The following SLC35F1 variants were observed in gnomAD, a reference collection of about 807,000 sequenced individuals.
The protein encoded by SLC35F1 is solute carrier family 35 member F1, also known as chromosome 6 open reading frame 169.
In SLC35F1, 14 loss-of-function variants were observed where a neutral mutation model predicts 48.7. The observed-to-expected ratio is 0.29, with a 90% CI of 0.19 to 0.45. The LOEUF is 0.45. SLC35F1 is among the 20% of genes least tolerant of loss of function. SLC35F1 has a pLI of 1.00. For missense variants in SLC35F1, 404 were observed against 500.0 expected (o/e 0.81, Z 1.83); for synonymous variants, 190 against 202.2 (o/e 0.94, Z 0.51).
chr6:118,232,986 A>T (rs1775314650), intron 2 of SLC35F1, among the ~76,000 whole-genome samples: 1 of 129,832 alleles, frequency 7.7e-6, no homozygotes. Flanking sequence ...TTTTTTTTTT[A>T]GACGAAGTCT....
At chr6:118,180,400 C>A (rs1334845) in intron 2 of SLC35F1, among the ~76,000 whole-genome samples, 4,825 of 151,874 alleles carry the variant, frequency 0.032, 252 homozygotes, top group African/African-American at 0.11. Flanking sequence ...GCAAAGATTA[C>A]AGATGTTGGA....
At chr6:117,966,128 A>ACC (rs1776560909) in intron 1 of SLC35F1, among the ~76,000 whole-genome samples, 11 of 17,230 alleles carry the variant, frequency 6.4e-4, no homozygotes, top group African/African-American at 1.2e-3. Context: ...AAAGCAGGCC[A>ACC]CCGCCCCCCC....
intron 1 of SLC35F1, among the ~76,000 whole-genome samples, chr6:117,996,159 T>G (rs1776985701): frequency 6.6e-6 from 1 of 152,200 alleles, no homozygotes; most frequent in African/African-American, 2.4e-5. Flanking sequence ...AGAAGAATAT[T>G]AAAACTTTAC....
chr6:118,067,978 C>T (rs748490361), intron 1 of SLC35F1, among the ~76,000 whole-genome samples: 1 of 152,014 alleles, frequency 6.6e-6, no homozygotes, highest in South Asian at 2.1e-4. Flanking sequence ...TATTATCTAA[C>T]GGTTATGGAG....
intron 1 of SLC35F1, among the ~76,000 whole-genome samples, chr6:118,146,209 T>C (rs1773971124): frequency 6.6e-6 from 1 of 152,154 alleles, no homozygotes; most frequent in Non-Finnish European, 1.5e-5. Flanking sequence ...TTTTTAGCCA[T>C]AATAAAAGCA....
At chr6:118,133,367 G>A (rs768211889) in intron 1 of SLC35F1, among the ~76,000 whole-genome samples, 11 of 152,032 alleles carry the variant, frequency 7.2e-5, no homozygotes, top group South Asian at 2.1e-4. Flanking sequence ...ATTAAGTGGC[G>A]CAACTATTTT....
At chr6:118,017,707 C>T (rs1777340605) in intron 1 of SLC35F1, among the ~76,000 whole-genome samples, 2 of 152,126 alleles carry the variant, frequency 1.3e-5, no homozygotes, top group South Asian at 4.1e-4. Context: ...AAATAAAGTG[C>T]TCTAAGTTAA....
rs191516461 is a variant in SLC35F1 at position 118,248,894 on chromosome 6, G to A, written c.477+13258G>A. On this transcript the variant is annotated intron_variant, in intron 3 of 7. Coordinates refer to ENST00000360388, the MANE Select transcript of SLC35F1 (RefSeq NM_001029858.4). Reference sequence around the variant, plus strand: ...CAATATAATGGTATTTGGAGGTGGAGCCTTTGGGAGGAGACTAGATCATGA... The same window carrying A: ...CAATATAATGGTATTTGGAGGTGGAACCTTTGGGAGGAGACTAGATCATGA... 1.1e-4 allele frequency among the ~76,000 whole-genome samples: 16 copies of A among 152,276 alleles called. No homozygotes were observed. The East Asian group carries it at 1.9e-3, about 18-fold the overall frequency.
chr6:118,140,089 A>G (rs1265011985), intron 1 of SLC35F1, among the ~76,000 whole-genome samples: 1 of 152,192 alleles, frequency 6.6e-6, no homozygotes, highest in Non-Finnish European at 1.5e-5. Flanking sequence ...TCACATACCC[A>G]TCAGATGTCC....
intron 1 of SLC35F1, among the ~76,000 whole-genome samples, chr6:118,134,524 C>G (rs1167680622): frequency 6.6e-6 from 1 of 152,144 alleles, no homozygotes; most frequent in African/African-American, 2.4e-5. Context: ...GTAAATAGTG[C>G]TGAGTCCTAG....
rs756821926 is a variant in SLC35F1, at chr6:118,281,200, C to CTATATA, written c.847+3655_847+3656insATATAT. On this transcript the variant is annotated intron_variant, in intron 6 of 7. Coordinates refer to ENST00000360388, the MANE Select transcript of SLC35F1 (RefSeq NM_001029858.4). ...ACTCTCTCTCTCTCTCTCTCTCTCT[C>CTATATA]TCTCTATATATATATATATATAAAA... Among the ~76,000 whole-genome samples the CTATATA allele has an allele frequency of 1.8e-3, 210 of 119,968 alleles. 1 individual carries two copies. The highest frequency in any genetic ancestry group is 0.017 in the Middle Eastern group (4 of 236). 78.7% of individuals were successfully genotyped at this position (119,968 alleles called of 152,430 possible).
intron 3 of SLC35F1, among the ~76,000 whole-genome samples, chr6:118,250,016 G>A (rs1284133420): frequency 6.6e-6 from 1 of 152,206 alleles, no homozygotes. Context: ...TGACAGTGGA[G>A]CTCCCCAAGT....
At chr6:118,285,154 G>A (rs752319577) in intron 6 of SLC35F1, 30 bp from the exon 7 acceptor site, 65 of 1,607,592 alleles carry the variant, frequency 4.0e-5, no homozygotes, top group Admixed American at 6.7e-5. Flanking sequence ...AGGAGGCCCT[G>A]ACGCTGCCTT....
intron 1 of SLC35F1, among the ~76,000 whole-genome samples, chr6:117,961,464 G>A (rs888663690): frequency 6.6e-6 from 1 of 152,180 alleles, no homozygotes; most frequent in Non-Finnish European, 1.5e-5. Flanking sequence ...ATAGAAGAGA[G>A]CTCAGCCTGA....
chr6:118,097,659 C>T (rs1404080326), intron 1 of SLC35F1, among the ~76,000 whole-genome samples: 3 of 152,158 alleles, frequency 2.0e-5, no homozygotes, highest in African/African-American at 7.2e-5. Context: ...AAATTGTATT[C>T]AAATCACAAA....
At chr6:118,001,496 C>G (rs1258522109) in intron 1 of SLC35F1, among the ~76,000 whole-genome samples, 1 of 152,160 alleles carries the variant, frequency 6.6e-6, no homozygotes, top group Non-Finnish European at 1.5e-5. Context: ...CCATAAAAAT[C>G]CTAGAAGAAA....
chr6:118,251,525 C>T (rs552066133), intron 3 of SLC35F1, among the ~76,000 whole-genome samples: 13 of 152,176 alleles, frequency 8.5e-5, no homozygotes, highest in Admixed American at 8.5e-4. Flanking sequence ...AATGACGGAT[C>T]ACAAAGGGAC....
At chr6:118,112,076 TTA>T (rs201098099) in intron 1 of SLC35F1, among the ~76,000 whole-genome samples, 2,433 of 139,932 alleles carry the variant, frequency 0.017, 65 homozygotes, top group African/African-American at 0.046. Flanking sequence ...TTCTTTTTCT[TTA>T]TTTCTTTCTT....
At chr6:117,911,222 T>A (rs980105704) in intron 1 of SLC35F1, among the ~76,000 whole-genome samples, 1 of 152,212 alleles carries the variant, frequency 6.6e-6, no homozygotes. Flanking sequence ...ATCACATTTT[T>A]TCCCCTGGTA....
Sources: gnomAD v4.1 joint callset for allele counts (sites outside exome capture counted in the v4.1 genomes callset) on GRCh38, gnomAD v4.1.1 for gene constraint, MANE v1.5 for transcripts, NCBI Gene and HGNC (gene_info 2026-07-23, HGNC 2026-07-21) for gene names.